Variants in NBAS observed in about 807,000 individuals in gnomAD.
NBAS encodes the protein NBAS subunit of NRZ tethering complex.
In NBAS, 219 loss-of-function variants were observed where a neutral mutation model predicts 302.5. The ratio of observed to expected loss-of-function variants is 0.72; its 90% CI spans 0.65 to 0.81. NBAS has a LOEUF of 0.81. NBAS is among the 30% of genes least tolerant of loss of function. The probability of loss-of-function intolerance (pLI) is 0.00; values close to 1 mark genes in which losing one functional copy is unlikely to be tolerated. For synonymous variants in NBAS, 1,118 were observed against 1,021.6 expected (o/e 1.09, Z -1.80); for missense variants, 2,932 against 2,841.6 (o/e 1.03, Z -0.72).
chr2:15,099,360 AT>A, the NBAS span, among the ~76,000 whole-genome samples: 1 of 151,994 alleles, frequency 6.6e-6, no homozygotes, highest in Non-Finnish European at 1.5e-5. Context: ...ATTACAGATT[AT>A]TTTTATATTT....
chr2:15,476,445 G>A (rs931262915), intron 13 of NBAS, among the ~76,000 whole-genome samples: 6 of 152,030 alleles, frequency 3.9e-5, no homozygotes, highest in African/African-American at 1.4e-4. Flanking sequence ...ATTATGGGCC[G>A]GGCACAGTGG....
At chr2:15,036,917 A>T in the NBAS span, among the ~76,000 whole-genome samples, 2 of 152,082 alleles carry the variant, frequency 1.3e-5, no homozygotes, top group Non-Finnish European at 2.9e-5. Context: ...TCCCTAGGGG[A>T]TACCCTGCAG....
chr2:15,176,480 C>CACAT (rs1558410563), intron 51 of NBAS, among the ~76,000 whole-genome samples: 11 of 151,018 alleles, frequency 7.3e-5, no homozygotes, highest in Non-Finnish European at 7.4e-5. Context: ...CACACACACA[C>CACAT]ATACACTCAA....
chr2:15,546,500 A>C (rs1327526864), intron 6 of NBAS, among the ~76,000 whole-genome samples: 1 of 152,120 alleles, frequency 6.6e-6, no homozygotes, highest in African/African-American at 2.4e-5. Context: ...AGACCAAGGC[A>C]GGTGGATCAT....
the NBAS span, among the ~76,000 whole-genome samples, chr2:14,962,876 A>G: frequency 1.3e-5 from 2 of 152,116 alleles, no homozygotes; most frequent in African/African-American, 2.4e-5. Context: ...GATTATTCCT[A>G]ATACTTGTGT....
At chr2:15,143,149 C>G in the NBAS span, among the ~76,000 whole-genome samples, 1 of 152,020 alleles carries the variant, frequency 6.6e-6, no homozygotes, top group Non-Finnish European at 1.5e-5. Flanking sequence ...CCCCTTTTTG[C>G]CACCTACAGG....
intron 48 of NBAS, among the ~76,000 whole-genome samples, chr2:15,199,164 T>G (rs1487150419): frequency 6.7e-6 from 1 of 149,336 alleles, no homozygotes; most frequent in African/African-American, 2.5e-5. Flanking sequence ...AAAATTAACC[T>G]TAAGTTGAAG....
At chr2:15,103,865 A>C in the NBAS span, among the ~76,000 whole-genome samples, 7 of 152,144 alleles carry the variant, frequency 4.6e-5, no homozygotes, top group Non-Finnish European at 8.8e-5. Context: ...TTTTCTGAAG[A>C]CTGCGTAAGT....
chr2:15,470,033 C>T lies in NBAS; in HGVS notation c.1726-1500G>A, dbSNP rs541190435. On this transcript the variant is annotated intron_variant, in intron 16 of 51. Coordinates refer to ENST00000281513, the MANE Select transcript of NBAS (RefSeq NM_015909.4). ...AAAAAAAAAATCCCTGACTTGCCCTCTTCCTAGAAAGAGCTATTATGGTTA... is the reference window on the plus strand; with the variant it reads ...AAAAAAAAAATCCCTGACTTGCCCTTTTCCTAGAAAGAGCTATTATGGTTA... Among the ~76,000 whole-genome samples the T allele has an allele frequency of 4.7e-4, 71 of 152,202 alleles. 2 individuals carry two copies. The South Asian group carries it at 0.014, about 30-fold the overall frequency.
the NBAS span, among the ~76,000 whole-genome samples, chr2:14,817,967 T>G: frequency 6.6e-6 from 1 of 151,976 alleles, no homozygotes; most frequent in Non-Finnish European, 1.5e-5. Flanking sequence ...GATTCTTTCC[T>G]GCTCTACACA....
intron 21 of NBAS, among the ~76,000 whole-genome samples, chr2:15,458,473 C>A (rs190056054): frequency 2.0e-5 from 3 of 152,228 alleles, no homozygotes; most frequent in Non-Finnish European, 4.4e-5. Flanking sequence ...AGTTCTCACT[C>A]AGTTAGTTCC....
intron 44 of NBAS, among the ~76,000 whole-genome samples, chr2:15,248,170 CA>C (rs1668192333): frequency 6.6e-6 from 1 of 152,178 alleles, no homozygotes; most frequent in African/African-American, 2.4e-5. Context: ...CGCGCAACTA[CA>C]TGGAAACAGA....
At chr2:15,115,931 T>C in the NBAS span, among the ~76,000 whole-genome samples, 1 of 152,222 alleles carries the variant, frequency 6.6e-6, no homozygotes, top group Non-Finnish European at 1.5e-5. Flanking sequence ...ATGAAGCTAC[T>C]TCAGGCCTTA....
chr2:15,415,681 C>T lies in NBAS; in HGVS notation c.2802G>A (p.Trp934Ter), dbSNP rs1572813576. The T allele has an allele frequency of 3.1e-6, 5 of 1,614,172 alleles. No individual in the cohort carries two copies. The highest frequency in any genetic ancestry group is 4.2e-6 in the Non-Finnish European group (5 of 1,180,034). Reference protein sequence around the residue: ...EDKYVTSAYQWMVPFLHRCEK... With the variant: ...EDKYVTSAYQ ...CACAACGATGAAGAAAGGGAACCAT[C>T]CACTGGTAGGCACTTGTCACATATT... The change falls in exon 25 of 52, where the codon TGG (tryptophan) becomes TGA (stop). Residue 934 changes from tryptophan to a stop codon, truncating the protein, a stop_gained. Coordinates refer to ENST00000281513, the MANE Select transcript of NBAS (RefSeq NM_015909.4). LOFTEE classifies it high-confidence loss of function.
At chr2:15,292,233 C>T (rs539828369) in intron 41 of NBAS, among the ~76,000 whole-genome samples, 1 of 152,322 alleles carries the variant, frequency 6.6e-6, no homozygotes, top group South Asian at 2.1e-4. Flanking sequence ...TCTTGGGCCA[C>T]CTTGGCCTCC....
At chr2:15,095,412 T>C in the NBAS span, among the ~76,000 whole-genome samples, 1 of 152,112 alleles carries the variant, frequency 6.6e-6, no homozygotes, top group Admixed American at 6.5e-5. Context: ...CAAACAAGTT[T>C]CACCTTATCG....
chr2:15,415,662 G>C lies in NBAS; in HGVS notation c.2821C>G (p.Arg941Gly). ...AYQWMVPFLH[R>G]CEKQSPGVAN... is the part of the protein sequence containing the mutation. ...ACACCAGGCGACTGTTTCTCACAAC[G>C]ATGAAGAAAGGGAACCATCCACTGG... The change falls in exon 25 of 52, where the codon CGT becomes GGT. Residue 941 changes from arginine (R) to glycine (G), a missense_variant. Coordinates refer to ENST00000281513, the MANE Select transcript of NBAS (RefSeq NM_015909.4). 6.2e-7 allele frequency: 1 copy of C among 1,614,110 alleles called. No individual in the cohort carries two copies. The highest frequency in any genetic ancestry group is 1.7e-5 in the Admixed American group (1 of 60,016).
At chr2:14,812,962 A>C in the NBAS span, among the ~76,000 whole-genome samples, 11 of 152,178 alleles carry the variant, frequency 7.2e-5, no homozygotes, top group Admixed American at 6.5e-4. Context: ...GGTTGTTTAA[A>C]AGTGTGTAGC....
Position 15,227,245 on chromosome 2 carries a change from A to T in NBAS, c.6236+5177T>A, listed in dbSNP as rs191781465. On this transcript the variant is annotated intron_variant, in intron 47 of 51. Transcript: ENST00000281513. ...AACAATCTGAAGAAGAAAGAAAGCA[A>T]TTTCATTTACAAGTCAGCTGTGAAA... 3.9e-5 allele frequency among the ~76,000 whole-genome samples: 6 copies of T among 152,288 alleles called. No individual in the cohort carries two copies. In the East Asian group the frequency reaches 1.2e-3, roughly 29 times the overall value.
Sources: allele counts gnomAD v4.1 joint callset (sites outside exome capture counted in the v4.1 genomes callset), GRCh38; gene constraint gnomAD v4.1.1; transcripts MANE v1.5; gene names NCBI Gene and HGNC (gene_info 2026-07-23, HGNC 2026-07-21).